SPMIP4: variants seen among roughly 807,000 people sequenced by gnomAD.
SPMIP4 encodes sperm-associated microtubule inner protein 4.
chr7:25,150,016 A>C, the SPMIP4 span, among the ~76,000 whole-genome samples: 1 of 152,200 alleles, frequency 6.6e-6, no homozygotes, highest in Non-Finnish European at 1.5e-5. Context: ...AGTGTTGGGC[A>C]GAGAGGCCTT....
chr7:25,140,656 T>C, the SPMIP4 span, among the ~76,000 whole-genome samples: 132,152 of 150,726 alleles, frequency 0.88, 58,070 homozygotes, highest in African/African-American at 0.91. Flanking sequence ...GATCTTGGCT[T>C]GCTGCAACCT....
chr7:25,173,042 AAAGG>A, the SPMIP4 span, among the ~76,000 whole-genome samples: 1 of 149,744 alleles, frequency 6.7e-6, no homozygotes, highest in African/African-American at 2.5e-5. This position sits in a 1 kb window ranked among gnomAD's most constrained non-coding sequence, Gnocchi z 4.4. Flanking sequence ...AGTGGGAGAA[AAAGG>A]GAGGGAGAGA....
At chr7:25,173,212 C>T in the SPMIP4 span, among the ~76,000 whole-genome samples, 3 of 152,128 alleles carry the variant, frequency 2.0e-5, no homozygotes, top group Middle Eastern at 3.2e-3. The surrounding 1 kb of genome is among the most constrained non-coding windows in gnomAD (Gnocchi z 4.4). Flanking sequence ...CTTAACATAA[C>T]CCCTCCTCCC....
At chr7:25,136,817 G>GA in the SPMIP4 span, 1 of 1,585,190 alleles carries the variant, frequency 6.3e-7, no homozygotes, top group Non-Finnish European at 8.6e-7. The surrounding 1 kb of genome is among the most constrained non-coding windows in gnomAD (Gnocchi z 5.7). Flanking sequence ...ATAAAAAGGA[G>GA]AAAAAAATTG....
At chr7:25,152,063 C>A in the SPMIP4 span, among the ~76,000 whole-genome samples, 1 of 152,196 alleles carries the variant, frequency 6.6e-6, no homozygotes, top group Admixed American at 6.5e-5. Context: ...AACCCTAGTG[C>A]TCTCAGTAGT....
At chr7:25,175,921 A>AG in the SPMIP4 span, among the ~76,000 whole-genome samples, 1 of 152,170 alleles carries the variant, frequency 6.6e-6, no homozygotes, top group East Asian at 1.9e-4. Context: ...CTGCTTTTTA[A>AG]GAGGGGGTTA....
chr7:25,137,750 C>A, the SPMIP4 span, among the ~76,000 whole-genome samples: 5 of 152,170 alleles, frequency 3.3e-5, no homozygotes, highest in African/African-American at 1.2e-4. Flanking sequence ...AATTCACCCT[C>A]ATGACCTCAT....
chr7:25,175,486 C>T, the SPMIP4 span, among the ~76,000 whole-genome samples: 3 of 152,110 alleles, frequency 2.0e-5, no homozygotes, highest in Non-Finnish European at 4.4e-5. Context: ...GTGAGGAAAT[C>T]GTTTTGCGTC....
chr7:25,168,485 T>G, the SPMIP4 span: 3,100 of 1,560,312 alleles, frequency 2.0e-3, 28 homozygotes, highest in Middle Eastern at 0.025. Flanking sequence ...AAGAGAGACT[T>G]CAAAGAGCCT....
At chr7:25,139,777 T>C in the SPMIP4 span, among the ~76,000 whole-genome samples, 1 of 152,222 alleles carries the variant, frequency 6.6e-6, no homozygotes, top group Non-Finnish European at 1.5e-5. Context: ...TATTTCTGTA[T>C]GCAAGAAGCA....
chr7:25,137,905 A>G, the SPMIP4 span, among the ~76,000 whole-genome samples: 1 of 152,218 alleles, frequency 6.6e-6, no homozygotes, highest in Non-Finnish European at 1.5e-5. Context: ...AATCTTGTGT[A>G]AGATTGGTGT....
the SPMIP4 span, among the ~76,000 whole-genome samples, chr7:25,141,225 A>AT: frequency 6.6e-6 from 1 of 152,208 alleles, no homozygotes; most frequent in Non-Finnish European, 1.5e-5. Flanking sequence ...ATTATTATGA[A>AT]TATCAGGAGG....
the SPMIP4 span, among the ~76,000 whole-genome samples, chr7:25,141,778 T>C: frequency 4.0e-5 from 6 of 151,896 alleles, no homozygotes; most frequent in Middle Eastern, 3.2e-3. Flanking sequence ...CGCTCTGTCG[T>C]CTAGGCTGGA....
chr7:25,178,123 C>T, the SPMIP4 span, among the ~76,000 whole-genome samples: 8,076 of 152,296 alleles, frequency 0.053, 535 homozygotes, highest in East Asian at 0.28. Flanking sequence ...ATCCACGTTG[C>T]TGCAAAGGAC....
the SPMIP4 span, among the ~76,000 whole-genome samples, chr7:25,154,819 A>G: frequency 1.3e-5 from 2 of 152,224 alleles, no homozygotes; most frequent in Non-Finnish European, 2.9e-5. Flanking sequence ...GAGCACCTGC[A>G]GAGAGTCTGA....
At chr7:25,174,724 T>G in the SPMIP4 span, among the ~76,000 whole-genome samples, 5 of 152,208 alleles carry the variant, frequency 3.3e-5, no homozygotes, top group East Asian at 9.6e-4. This position sits in a 1 kb window ranked among gnomAD's most constrained non-coding sequence, Gnocchi z 4.5. Flanking sequence ...TGGATATGTT[T>G]GTTTGCCCTG....
At chr7:25,130,533 TG>T in the SPMIP4 span, among the ~76,000 whole-genome samples, 1 of 152,080 alleles carries the variant, frequency 6.6e-6, no homozygotes, top group South Asian at 2.1e-4. Context: ...AGACTGGTCT[TG>T]AACTCCTGAC....
chr7:25,179,071 A>C, the SPMIP4 span: 1 of 1,286,982 alleles, frequency 7.8e-7, no homozygotes, highest in African/African-American at 1.5e-5. Flanking sequence ...ACAAACAAGA[A>C]ACAGAAGAGC....
chr7:25,157,524 C>T, the SPMIP4 span, among the ~76,000 whole-genome samples: 386 of 152,198 alleles, frequency 2.5e-3, 5 homozygotes, highest in African/African-American at 8.7e-3. Flanking sequence ...TGCTACGATG[C>T]GATGAAAACA....
Sources: allele counts gnomAD v4.1 joint callset (sites outside exome capture counted in the v4.1 genomes callset), GRCh38; gene constraint gnomAD v4.1.1; non-coding constraint Gnocchi (gnomAD v3.1); transcripts MANE v1.5; gene names NCBI Gene and HGNC (gene_info 2026-07-23, HGNC 2026-07-21).